The following INTU variants were observed in gnomAD, a reference collection of about 807,000 sequenced individuals.
The protein encoded by INTU is inturned planar cell polarity protein, also known as protein inturned.
INTU carries 68 observed loss-of-function variants against 100.5 expected under a neutral mutation model. That is an observed-to-expected ratio of 0.68 (90% CI 0.56 to 0.83). The LOEUF (loss-of-function observed/expected upper bound fraction) is 0.83, where lower values mean the gene tolerates loss of function less well. Among genes scored for constraint, INTU ranks in the 40% least tolerant of loss-of-function variants. The probability of loss-of-function intolerance (pLI) is 0.00; values close to 1 mark genes in which losing one functional copy is unlikely to be tolerated. For synonymous variants in INTU, 357 were observed against 395.7 expected, an observed-to-expected ratio of 0.90 and a Z score of 1.16; for missense variants, 1,071 against 1,114.7, an observed-to-expected ratio of 0.96 and a Z score of 0.56.
At position 127,722,783 on chromosome 4, in the gene INTU, C is replaced by A; in HGVS notation, c.*6347C>A. The stretch of plus-strand genomic sequence containing the variant: ...ATGGCGGCCTCCCCTCCCTTCTCCC[C>A]CCTCTCCTTCCCCACTTCCAGAACT... On this transcript the variant is annotated 3_prime_UTR_variant, in exon 16 of 16. Coordinates refer to ENST00000335251, the MANE Select transcript of INTU (RefSeq NM_015693.4). The A allele has an allele frequency of 6.6e-6, 1 of 152,624 alleles. No homozygotes were observed. Among genetic ancestry groups the A allele is most frequent in the Non-Finnish European group, 1.5e-5 (1 of 68,294 alleles). The allele number at this position is 152,624 out of a possible 1,614,324, so 9.5% of individuals were successfully genotyped here. A position where few individuals can be genotyped will look rare whatever the true frequency, so the allele number is the denominator to read the frequency against.
In INTU at chr4:127,684,482, G is replaced by A. The variant is rs1354964312; in HGVS notation, c.1255G>A (p.Asp419Asn). 2 of 1,504,616 alleles carry A rather than the reference G, an allele frequency of 1.3e-6. No homozygotes were observed. The highest frequency in any genetic ancestry group is 3.5e-5 in the Admixed American group (2 of 57,464). 93.2% of individuals were successfully genotyped at this position (1,504,616 alleles called of 1,614,324 possible). ...QTLKFMYGSL[D>N]SAFCQIENVP... ...CTTAAAATTTATGTATGGTTCTTTA[G>A]ATAGGTAAGTACTTCTTCAAATTGA... Residue 419 changes from aspartate to asparagine, a missense_variant, in exon 7 of 16, where the codon GAT (aspartate) becomes AAT (asparagine). Transcript: ENST00000335251.
rs537016361 is a variant in INTU, at chr4:127,678,395, T to C, written c.1181+4182T>C. On this transcript the variant is annotated intron_variant, in intron 6 of 15. Transcript: ENST00000335251. ...AAAGGGAAGCCCATCAGACTAACAG[T>C]GGATCTCTCGGCAGAAACCCTACAA... Among the ~76,000 whole-genome samples, 198 of 152,292 alleles carry C rather than the reference T, an allele frequency of 1.3e-3. 3 individuals are homozygous for C. The highest frequency in any genetic ancestry group is 2.4e-3 in the Non-Finnish European group (166 of 68,022).
At chr4:127,657,003 C>T (rs1164451785) in intron 3 of INTU, among the ~76,000 whole-genome samples, 1 of 152,108 alleles carries the variant, frequency 6.6e-6, no homozygotes, top group Admixed American at 6.6e-5. Context: ...ATTATAACTA[C>T]CATATATGCT....
At chr4:127,697,830 C>G (rs766996071) in intron 8 of INTU, among the ~76,000 whole-genome samples, 5 of 152,058 alleles carry the variant, frequency 3.3e-5, no homozygotes, top group Non-Finnish European at 5.9e-5. Flanking sequence ...CTTAAGAAAT[C>G]TAGTTAAAGG....
chr4:127,680,632 C>T (rs1170688126), intron 6 of INTU, among the ~76,000 whole-genome samples: 5 of 118,958 alleles, frequency 4.2e-5, no homozygotes, highest in Non-Finnish European at 8.8e-5. Flanking sequence ...ATGACAAACC[C>T]ACAGCCAATA....
intron 14 of INTU, among the ~76,000 whole-genome samples, chr4:127,712,545 A>G (rs1731131479): frequency 6.6e-6 from 1 of 152,182 alleles, no homozygotes; most frequent in Non-Finnish European, 1.5e-5. Context: ...CCCTTCCTTC[A>G]CGAAGCCTAT....
rs1458753705 is a variant in INTU at position 127,718,426 on chromosome 4, A to G, written c.*1990A>G. The G allele has an allele frequency of 6.6e-6, 1 of 152,194 alleles. No homozygotes were observed. The highest frequency in any genetic ancestry group is 1.5e-5 in the Non-Finnish European group (1 of 68,036). The allele number at this position is 152,194 out of a possible 1,614,324, so 9.4% of individuals were successfully genotyped here. A position where few individuals can be genotyped will look rare whatever the true frequency, so the allele number is the denominator to read the frequency against. On this transcript the variant is annotated 3_prime_UTR_variant, in exon 16 of 16. Coordinates refer to ENST00000335251, the MANE Select transcript of INTU (RefSeq NM_015693.4). ...TGAAGTTTGGTAGTGTGATGCCTCC[A>G]GCTTTGATCTTTTGGCTTAGGATTG...
chr4:127,657,100 TG>T (rs1482497149), intron 3 of INTU, among the ~76,000 whole-genome samples: 4 of 152,116 alleles, frequency 2.6e-5, no homozygotes, highest in African/African-American at 4.8e-5. Flanking sequence ...GTTGCTATAA[TG>T]TTTTTTTTTC....
rs1730899502 is a variant in INTU, at chr4:127,706,807, G to C, written c.2109G>C (p.Lys703Asn). 2 of 1,613,998 alleles carry C rather than the reference G, an allele frequency of 1.2e-6. No homozygotes were observed. Among genetic ancestry groups the C allele is most frequent in the East Asian group, 2.2e-5 (1 of 44,892 alleles). ...RRTLFGDYSL[K>N]TRKPSPSCSS... The stretch of plus-strand genomic sequence containing the variant: ...CGCTTTTTGGTGACTATTCCTTAAA[G>C]ACACGCAAGCCTAGTCCTTCCTGTA... Residue 703 changes from lysine (K) to asparagine (N), a missense_variant, in exon 12 of 16, where the codon AAG becomes AAC. Lys to Asn is a moderately conservative substitution (Grantham distance 94). Transcript: ENST00000335251.
intron 1 of INTU, among the ~76,000 whole-genome samples, chr4:127,637,319 G>C (rs1327803501): frequency 1.3e-5 from 2 of 152,084 alleles, no homozygotes; most frequent in South Asian, 4.1e-4. Flanking sequence ...TCAAAAGTTT[G>C]GTGGCCTTCC....
At chr4:127,715,199 T>C (rs1383855478) in intron 15 of INTU, among the ~76,000 whole-genome samples, 1 of 152,120 alleles carries the variant, frequency 6.6e-6, no homozygotes. Flanking sequence ...GCCAGGATGG[T>C]AGAGGAATGG....
intron 1 of INTU, among the ~76,000 whole-genome samples, chr4:127,638,590 T>C (rs916551451): frequency 6.6e-5 from 10 of 152,156 alleles, no homozygotes; most frequent in Non-Finnish European, 1.2e-4. Flanking sequence ...AATGAGACAA[T>C]TATTAGCATT....
intron 7 of INTU, chr4:127,685,655 GT>G (rs1729790086): frequency 3.5e-6 from 1 of 284,674 alleles, no homozygotes; most frequent in Non-Finnish European, 7.1e-6. Flanking sequence ...GAGTAAGAAT[GT>G]GGTTATGAAC....
intron 2 of INTU, 34 bp from the exon 3 acceptor site, chr4:127,656,602 A>T: frequency 6.7e-7 from 1 of 1,488,724 alleles, no homozygotes; most frequent in Non-Finnish European, 9.4e-7. Context: ...TTAGATATTC[A>T]TAAAACTATC....
At chr4:127,662,196 G>T (rs564303794) in intron 3 of INTU, among the ~76,000 whole-genome samples, 2 of 152,032 alleles carry the variant, frequency 1.3e-5, no homozygotes, top group Non-Finnish European at 2.9e-5. Flanking sequence ...TGTCAGATGC[G>T]TAGTTTGCAA....
At chr4:127,694,680 A>T (rs939601781) in intron 8 of INTU, among the ~76,000 whole-genome samples, 1 of 152,044 alleles carries the variant, frequency 6.6e-6, no homozygotes, top group Non-Finnish European at 1.5e-5. Context: ...CTTAGAGTTA[A>T]TTTTTGTGAA....
Position 127,725,070 on chromosome 4 carries a change from G to C in INTU, c.*8634G>C, listed in dbSNP as rs1383448657. 1 of 149,988 alleles carries C rather than the reference G, an allele frequency of 6.7e-6. No individual in the cohort carries two copies. Among genetic ancestry groups the C allele is most frequent in the East Asian group, 2.0e-4 (1 of 5,084 alleles). The allele number at this position is 149,988 out of a possible 1,614,324, so 9.3% of individuals were successfully genotyped here. A position where few individuals can be genotyped will look rare whatever the true frequency, so the allele number is the denominator to read the frequency against. On this transcript the variant is annotated 3_prime_UTR_variant, in exon 16 of 16. Transcript: ENST00000335251. ...GAAGGCTGAGGCAGGCAGATCACTT[G>C]AGGTCAGGCGTTTGAGACCAGGCTG...
At chr4:127,669,610 AATTGGTCAT>A in intron 5 of INTU, among the ~76,000 whole-genome samples, 1 of 151,972 alleles carries the variant, frequency 6.6e-6, no homozygotes, top group Non-Finnish European at 1.5e-5. Context: ...TGAACACGAA[AATTGGTCAT>A]ATAGTTAGGA....
intron 8 of INTU, among the ~76,000 whole-genome samples, chr4:127,695,464 G>A (rs112039221): frequency 3.2e-4 from 49 of 152,208 alleles, no homozygotes; most frequent in African/African-American, 1.1e-3. Flanking sequence ...AAATTAAGCC[G>A]GGTGTGGTGG....
Sources: allele counts gnomAD v4.1 joint callset (sites outside exome capture counted in the v4.1 genomes callset), GRCh38; gene constraint gnomAD v4.1.1; transcripts MANE v1.5; gene names NCBI Gene and HGNC (gene_info 2026-07-23, HGNC 2026-07-21).